Variants in PCMT1 observed in about 807,000 individuals in gnomAD.
PCMT1 encodes protein-L-isoaspartate (D-aspartate) O-methyltransferase.
In PCMT1, 9 loss-of-function variants were observed where a neutral mutation model predicts 29.2. The observed-to-expected ratio is 0.31, with a 90% CI of 0.19 to 0.54. The LOEUF is 0.54. Ranked by LOEUF, PCMT1 falls within the 20% of genes least tolerant of loss-of-function variation. The pLI, the probability that PCMT1 is intolerant of heterozygous loss-of-function variation, is 0.95. For missense variants in PCMT1, 184 were observed against 282.2 expected (o/e 0.65, Z 2.49); for synonymous variants, 98 against 97.5 (o/e 1.00, Z -0.03).
At chr6:149,765,435 G>A (rs190339393) in intron 1 of PCMT1, among the ~76,000 whole-genome samples, 1 of 150,728 alleles carries the variant, frequency 6.6e-6, no homozygotes, top group Admixed American at 6.6e-5. Flanking sequence ...GCTTGCCTAT[G>A]CTTCTTCGGG....
chr6:149,794,160 G>A (rs370043544), intron 5 of PCMT1, among the ~76,000 whole-genome samples: 12 of 152,178 alleles, frequency 7.9e-5, no homozygotes, highest in Admixed American at 3.3e-4. Context: ...ATGAAGATAT[G>A]TCTCTTATTA....
At chr6:149,758,204 C>CTTTTTTTTTTTTTTTT (rs1583003709) in intron 1 of PCMT1, among the ~76,000 whole-genome samples, 2 of 68,198 alleles carry the variant, frequency 2.9e-5, no homozygotes, top group Non-Finnish European at 2.7e-5. Context: ...TTCTTTCTTT[C>CTTTTTTTTTTTTTTTT]TTTCTTTTTT....
chr6:149,762,240 T>G (rs1319137704), intron 1 of PCMT1, among the ~76,000 whole-genome samples: 1 of 151,840 alleles, frequency 6.6e-6, no homozygotes, highest in Non-Finnish European at 1.5e-5. Flanking sequence ...TCTATTGTAG[T>G]CTCCTTTTTG....
chr6:149,775,669 C>T (rs1222489594), intron 3 of PCMT1, among the ~76,000 whole-genome samples: 3 of 152,138 alleles, frequency 2.0e-5, no homozygotes, highest in African/African-American at 7.2e-5. Context: ...GATTGTGCTA[C>T]TGCACTCCAG....
rs367957206 is a variant in PCMT1 at position 149,795,249 on chromosome 6, A to C, written c.419-1166A>C. The C allele has an allele frequency of 1.0e-5, 4 of 400,440 alleles. No homozygotes were observed. The East Asian group carries it at 2.2e-4, about 22-fold the overall frequency. 24.8% of individuals were successfully genotyped at this position (400,440 alleles called of 1,614,324 possible). ...CAACACGACAGCGCCATGTTGCATG[A>C]GAAAAAGATCACAGTTCCTCTCGTC... is the stretch of plus-strand genomic sequence containing the variant. On this transcript the variant is annotated intron_variant, in intron 5 of 7. Coordinates refer to ENST00000464889, the MANE Select transcript of PCMT1 (RefSeq NM_001360452.2).
intron 1 of PCMT1, among the ~76,000 whole-genome samples, chr6:149,751,605 C>T (rs549442134): frequency 5.1e-4 from 77 of 151,700 alleles, no homozygotes; most frequent in Non-Finnish European, 9.9e-4. Context: ...TCTCAGCCTC[C>T]TGAGTGGCTG....
At chr6:149,780,342 G>GAAA (rs970397601) in intron 3 of PCMT1, among the ~76,000 whole-genome samples, 1 of 118,152 alleles carries the variant, frequency 8.5e-6, no homozygotes, top group Admixed American at 8.7e-5. Context: ...CCCTGTCTCA[G>GAAA]AAAAAAAAAA....
chr6:149,770,118 C>T (rs981357398), intron 1 of PCMT1, among the ~76,000 whole-genome samples: 9 of 152,174 alleles, frequency 5.9e-5, no homozygotes, highest in Non-Finnish European at 1.2e-4. Flanking sequence ...TTTGAATTCA[C>T]TTTGATTGCT....
chr6:149,763,201 T>TATATCTATGATATCTATGATATAA (rs1257718593), intron 1 of PCMT1, among the ~76,000 whole-genome samples: 1,133 of 86,992 alleles, frequency 0.013, 223 homozygotes, highest in Non-Finnish European at 0.017. Flanking sequence ...CTATGATATA[T>TATATCTATGATATCTATGATATAA]ATATCTATGA....
chr6:149,802,168 G>A (rs768643480), intron 6 of PCMT1, 32 bp from the exon 7 acceptor site: 2 of 1,356,722 alleles, frequency 1.5e-6, no homozygotes, highest in South Asian at 2.7e-5. Flanking sequence ...CTGTAACTTG[G>A]TGATGTATGT....
In PCMT1 at chr6:149,762,956, G is replaced by GTATATCTATGATATATATGATA. The variant is rs1786881131; in HGVS notation, c.56-8200_56-8179dup. Among the ~76,000 whole-genome samples the GTATATCTATGATATATATGATA allele has an allele frequency of 7.3e-5, 3 of 40,900 alleles. 1 individual carries two copies. Among genetic ancestry groups the GTATATCTATGATATATATGATA allele is most frequent in the Non-Finnish European group, 1.0e-4 (3 of 29,896 alleles). The allele number at this position is 40,900 out of a possible 152,430, so 26.8% of individuals were successfully genotyped here. On this transcript the variant is annotated intron_variant, in intron 1 of 7. Transcript: ENST00000464889. ...TATATGATATATATATCTATGATAT[G>GTATATCTATGATATATATGATA]TATATCTATGATATATATGATATAT...
At position 149,796,227 on chromosome 6, in the gene PCMT1, T is replaced by C. The variant is rs552013044; in HGVS notation, c.419-188T>C. On this transcript the variant is annotated intron_variant, in intron 5 of 7. Coordinates refer to ENST00000464889, the MANE Select transcript of PCMT1 (RefSeq NM_001360452.2). ...TCATCAAAATAAAATTCCATTGTTT[T>C]AATGTTTCTGACCAAACAAAAAATA... 4 of 413,444 alleles carry C rather than the reference T, an allele frequency of 9.7e-6. No individual in the cohort carries two copies. The South Asian group carries it at 2.6e-4, about 27-fold the overall frequency. The allele number at this position is 413,444 out of a possible 1,614,324, so 25.6% of individuals were successfully genotyped here.
chr6:149,805,987 G>GA (rs1220915288), intron 7 of PCMT1, among the ~76,000 whole-genome samples: 46 of 143,114 alleles, frequency 3.2e-4, no homozygotes, highest in East Asian at 2.0e-3. Context: ...CGCACTATCA[G>GA]AAAAAAAAAA....
At chr6:149,789,739 A>G (rs565060629) in intron 3 of PCMT1, among the ~76,000 whole-genome samples, 1 of 152,140 alleles carries the variant, frequency 6.6e-6, no homozygotes, top group Non-Finnish European at 1.5e-5. Context: ...AAAAATTCAC[A>G]CACTGGAGGT....
intron 1 of PCMT1, among the ~76,000 whole-genome samples, chr6:149,759,171 G>T (rs562247070): frequency 1.3e-5 from 2 of 152,240 alleles, no homozygotes; most frequent in East Asian, 3.9e-4. Context: ...CACCGCGCCC[G>T]GCCATGTTGT....
At chr6:149,763,394 C>T (rs1261934808) in intron 1 of PCMT1, among the ~76,000 whole-genome samples, 1 of 150,960 alleles carries the variant, frequency 6.6e-6, no homozygotes, top group Admixed American at 6.6e-5. Context: ...TCTTTTAGAA[C>T]ATGGGATCCT....
chr6:149,799,667 A>G (rs2115333714), intron 6 of PCMT1, among the ~76,000 whole-genome samples: 1 of 152,340 alleles, frequency 6.6e-6, no homozygotes, highest in African/African-American at 2.4e-5. Flanking sequence ...AGAGACAGAT[A>G]GTAGGAAAAA....
intron 1 of PCMT1, among the ~76,000 whole-genome samples, chr6:149,751,737 C>T (rs1786328791): frequency 6.6e-6 from 1 of 152,012 alleles, no homozygotes; most frequent in African/African-American, 2.4e-5. Context: ...ACCTCGGCCT[C>T]CCAAAGTGCT....
At position 149,805,008 on chromosome 6, in the gene PCMT1, G is replaced by C. The variant is rs541085067; in HGVS notation, c.*37+2592G>C. The stretch of plus-strand genomic sequence containing the variant: ...TGTAATCCCAATGCTTTGGGAGGTT[G>C]AGGTGGGAGGATCACTTGAGGCCAG... On this transcript the variant is annotated intron_variant, in intron 7 of 7. Transcript: ENST00000464889. Among the ~76,000 whole-genome samples, 289 of 152,246 alleles carry C rather than the reference G, an allele frequency of 1.9e-3. 1 individual carries two copies. The highest frequency in any genetic ancestry group is 6.6e-3 in the African/African-American group (276 of 41,548).
Sources: gnomAD v4.1 joint callset for allele counts (sites outside exome capture counted in the v4.1 genomes callset) on GRCh38, gnomAD v4.1.1 for gene constraint, MANE v1.5 for transcripts, NCBI Gene and HGNC (gene_info 2026-07-23, HGNC 2026-07-21) for gene names.